KDM4A: variants seen among roughly 807,000 people sequenced by gnomAD.
KDM4A encodes lysine-specific demethylase 4A.
A neutral mutation model predicts 127.1 loss-of-function variants in KDM4A; 23 were observed. The observed-to-expected ratio is 0.18, with a 90% CI of 0.13 to 0.26. The LOEUF (loss-of-function observed/expected upper bound fraction) is 0.26. Ranked by LOEUF, KDM4A falls within the 10% of genes least tolerant of loss-of-function variation. The pLI is 1.00. For synonymous variants in KDM4A, 443 were observed against 466.5 expected, an observed-to-expected ratio of 0.95 and a Z score of 0.65; for missense variants, 890 against 1,329.1, an observed-to-expected ratio of 0.67 and a Z score of 5.14.
At chr1:43,672,697 T>G (rs1463246487) in intron 11 of KDM4A, among the ~76,000 whole-genome samples, 4 of 152,046 alleles carry the variant, frequency 2.6e-5, no homozygotes, top group African/African-American at 9.7e-5. Context: ...GGTTTCACCG[T>G]GTTAGCCAGG....
chr1:43,703,591 A>C, intron 19 of KDM4A, 26 bp from the exon 20 acceptor site: 1 of 1,612,202 alleles, frequency 6.2e-7, no homozygotes, highest in Non-Finnish European at 8.5e-7. Context: ...CGTTCCTTTC[A>C]CCCTCCTTCC....
At chr1:43,658,843 G>T (rs56072551) in intron 3 of KDM4A, among the ~76,000 whole-genome samples, 11,081 of 151,828 alleles carry the variant, frequency 0.073, 454 homozygotes, top group East Asian at 0.24. Context: ...ATAGGATTTT[G>T]CCATGTTGCT....
rs1660227354 is a variant in KDM4A at position 43,655,954 on chromosome 1, A to ACC, written c.314+189_314+190dup. Among the ~76,000 whole-genome samples the ACC allele has an allele frequency of 2.0e-5, 3 of 152,220 alleles. No homozygotes were observed. The South Asian group carries it at 6.2e-4, about 32-fold the overall frequency. On this transcript the variant is annotated intron_variant, in intron 3 of 21. Transcript: ENST00000372396. ...CTCTCAGGACTGTGTCCCAGTCTAAACCTGTTCCTGTTCTTATAACAACAA... is the reference window on the plus strand; with the variant it reads ...CTCTCAGGACTGTGTCCCAGTCTAAACCCCTGTTCCTGTTCTTATAACAACAA...
Position 43,688,811 on chromosome 1 carries a change from C to T in KDM4A, c.1856-103C>T. On this transcript the variant is annotated intron_variant, in intron 12 of 21. Transcript: ENST00000372396. This position sits in a 1 kb window ranked among gnomAD's most constrained non-coding sequence, Gnocchi z 4.4. The stretch of plus-strand genomic sequence containing the variant: ...TAGGAATTCAGGAGTCACCCTTGGT[C>T]CAAACCTAGGATCAGGAGTCCTAGT... The T allele has an allele frequency of 2.8e-6, 3 of 1,081,934 alleles. No individual in the cohort carries two copies. The South Asian group carries it at 4.6e-5, about 17-fold the overall frequency. 67.0% of individuals were successfully genotyped at this position (1,081,934 alleles called of 1,614,324 possible).
At position 43,658,147 on chromosome 1, in the gene KDM4A, G is replaced by A. The variant is rs547596582; in HGVS notation, c.315-2151G>A. On this transcript the variant is annotated intron_variant, in intron 3 of 21. Coordinates refer to ENST00000372396, the MANE Select transcript of KDM4A (RefSeq NM_014663.3). ...GTGCAGTGGCACAATCTCACTCACT[G>A]CAATCTCTGCCTCCCAGGTTTAAGC... Among the ~76,000 whole-genome samples, 6 of 147,796 alleles carry A rather than the reference G, an allele frequency of 4.1e-5. No individual in the cohort carries two copies. In the East Asian group the frequency reaches 1.2e-3, roughly 29 times the overall value.
rs976506626 is a variant in KDM4A at position 43,692,300 on chromosome 1, A to G, written c.2364A>G (p.Ala788=). Residue 788 remains alanine (A), a synonymous_variant, in exon 16 of 22, where the codon GCA becomes GCG. Coordinates refer to ENST00000372396, the MANE Select transcript of KDM4A (RefSeq NM_014663.3). ...TACGAGGAGGGGCCCTGCAGAGAGC[A>G]AATGATGACAGGTAAGTTTCCTGAG... ...CSLRGGALQR[A]NDDRWVHVSC... The G allele has an allele frequency of 6.2e-7, 1 of 1,614,116 alleles. No homozygotes were observed. The highest frequency in any genetic ancestry group is 8.5e-7 in the Non-Finnish European group (1 of 1,179,998).
At chr1:43,667,145 G>T in intron 8 of KDM4A, 54 bp downstream of exon 8, 1 of 1,597,058 alleles carries the variant, frequency 6.3e-7, no homozygotes, top group South Asian at 1.1e-5. Context: ...AGCAAATTCT[G>T]GTTAGATACG....
intron 3 of KDM4A, among the ~76,000 whole-genome samples, chr1:43,656,832 TCTC>T (rs1280799616): frequency 1.3e-5 from 2 of 151,712 alleles, no homozygotes; most frequent in Non-Finnish European, 2.9e-5. Context: ...TTCAAGCAAT[TCTC>T]CTGTCTCAGC....
chr1:43,659,401 T>C (rs1453176526), intron 3 of KDM4A, among the ~76,000 whole-genome samples: 1 of 152,068 alleles, frequency 6.6e-6, no homozygotes, highest in Non-Finnish European at 1.5e-5. Context: ...TGCAGACTCC[T>C]CCTCCTGGGT....
At chr1:43,684,512 CA>C (rs1374875810) in intron 12 of KDM4A, among the ~76,000 whole-genome samples, 1 of 151,858 alleles carries the variant, frequency 6.6e-6, no homozygotes, top group Admixed American at 6.6e-5. Flanking sequence ...CAAAAAAAAA[CA>C]GAAGAGGTGT....
At chr1:43,663,385 T>A (rs746711259) in intron 5 of KDM4A, among the ~76,000 whole-genome samples, 17 of 152,132 alleles carry the variant, frequency 1.1e-4, no homozygotes, top group Non-Finnish European at 2.4e-4. Context: ...TGAACAGGCC[T>A]GAGGCATTTC....
chr1:43,691,452 T>A, intron 14 of KDM4A, 44 bp from the exon 15 acceptor site: 1 of 1,506,038 alleles, frequency 6.6e-7, no homozygotes, highest in South Asian at 1.1e-5. Context: ...ACCTTTTGAC[T>A]CTGACCACTG....
chr1:43,673,550 C>G (rs773151737), intron 11 of KDM4A, among the ~76,000 whole-genome samples: 1 of 152,096 alleles, frequency 6.6e-6, no homozygotes, highest in Non-Finnish European at 1.5e-5. Context: ...TCGGTGCCTT[C>G]TCTGAATCTC....
At chr1:43,658,030 G>A (rs1016345843) in intron 3 of KDM4A, among the ~76,000 whole-genome samples, 11 of 146,830 alleles carry the variant, frequency 7.5e-5, no homozygotes, top group African/African-American at 2.0e-4. Flanking sequence ...TATTCCTTTC[G>A]TCCTAATACA....
chr1:43,653,566 G>A, intron 2 of KDM4A: 1 of 296,920 alleles, frequency 3.4e-6, no homozygotes. Context: ...CCTGGCTGCT[G>A]TTGTGCCTCA....
intron 10 of KDM4A, among the ~76,000 whole-genome samples, chr1:43,670,649 C>T (rs570950983): frequency 8.6e-5 from 13 of 151,066 alleles, no homozygotes; most frequent in African/African-American, 2.7e-4. Flanking sequence ...CTGCAACCTC[C>T]GCCTCCCGGG....
chr1:43,689,726 TCTCAGCTGGGACCTGCACAGC>T (rs1442452818), intron 13 of KDM4A, among the ~76,000 whole-genome samples: 66 of 152,278 alleles, frequency 4.3e-4, no homozygotes, highest in African/African-American at 1.6e-3. Flanking sequence ...ACCAGCTCAG[TCTCAGCTGGGACCTGCACAGC>T]ATAGCAGGTA....
At chr1:43,660,094 CCTTCCTCAGG>C (rs1344444480) in intron 3 of KDM4A, among the ~76,000 whole-genome samples, 194 bp from the exon 4 acceptor site, 2 of 152,192 alleles carry the variant, frequency 1.3e-5, no homozygotes, top group African/African-American at 4.8e-5. Context: ...GTGTACATTA[CCTTCCTCAGG>C]CTTCCTCAGG....
chr1:43,666,235 C>T, intron 6 of KDM4A: 1 of 513,248 alleles, frequency 1.9e-6, no homozygotes, highest in Non-Finnish European at 3.4e-6. Context: ...GTTTCCCAAA[C>T]AGGATTTCAT....
Sources: gnomAD v4.1 joint callset for allele counts (sites outside exome capture counted in the v4.1 genomes callset) on GRCh38, gnomAD v4.1.1 for gene constraint, Gnocchi (gnomAD v3.1) non-coding constraint, MANE v1.5 for transcripts, NCBI Gene and HGNC (gene_info 2026-07-23, HGNC 2026-07-21) for gene names.